The following DCDC2 variants were observed in gnomAD, a reference collection of about 807,000 sequenced individuals.
DCDC2 encodes doublecortin domain-containing protein 2.
A neutral mutation model predicts 50.2 loss-of-function variants in DCDC2; 40 were observed. The ratio of observed to expected loss-of-function variants is 0.80; its 90% confidence interval spans 0.62 to 1.04. The LOEUF (loss-of-function observed/expected upper bound fraction) is 1.04. Ranked by LOEUF, DCDC2 falls within the 50% of genes least tolerant of loss-of-function variation. The probability of loss-of-function intolerance (pLI) is 0.00; values close to 1 mark genes in which losing one functional copy is unlikely to be tolerated. For synonymous variants in DCDC2, 234 were observed against 210.6 expected (o/e 1.11, Z -0.96); for missense variants, 570 against 581.9 (o/e 0.98, Z 0.21).
chr6:24,356,717 G>A (rs916892981), intron 1 of DCDC2, among the ~76,000 whole-genome samples: 3 of 152,154 alleles, frequency 2.0e-5, no homozygotes, highest in Non-Finnish European at 2.9e-5. Context: ...TAGACTGAAA[G>A]CTCCTAAAGA....
In DCDC2 at chr6:24,354,417, T is replaced by TGGG. The variant is rs1760428290; in HGVS notation, c.294-795_294-794insCCC. 1.1e-4 allele frequency among the ~76,000 whole-genome samples: 17 copies of TGGG among 152,312 alleles called. 1 individual carries two copies. Among genetic ancestry groups the TGGG allele is most frequent in the Middle Eastern group, 6.8e-3 (2 of 294 alleles). ...TAGATCAATCCTTTACCCCAACTAC[T>TGGG]ACAATTGCCAACTTGTCCCAAAAAA... On this transcript the variant is annotated intron_variant, in intron 1 of 9. Transcript: ENST00000378454.
intron 2 of DCDC2, among the ~76,000 whole-genome samples, chr6:24,347,478 C>T (rs1005739392): frequency 6.6e-6 from 1 of 152,096 alleles, no homozygotes; most frequent in Non-Finnish European, 1.5e-5. Context: ...GAAAAAAACT[C>T]AACATTTAAA....
chr6:24,315,756 G>A (rs1173612372), intron 2 of DCDC2, among the ~76,000 whole-genome samples: 1 of 152,102 alleles, frequency 6.6e-6, no homozygotes, highest in East Asian at 1.9e-4. Context: ...CTACACCAAA[G>A]AAAGAAGGCT....
At chr6:24,183,577 G>A (rs1361262427) in intron 8 of DCDC2, among the ~76,000 whole-genome samples, 2 of 152,240 alleles carry the variant, frequency 1.3e-5, no homozygotes, top group East Asian at 3.9e-4. Context: ...GTGGACCCTT[G>A]GCCCAGAGAC....
chr6:24,325,997 T>C (rs896258710), intron 2 of DCDC2, among the ~76,000 whole-genome samples: 18 of 149,244 alleles, frequency 1.2e-4, no homozygotes, highest in Non-Finnish European at 2.7e-4. Context: ...CAAACTACTG[T>C]AATTTTTCTT....
chr6:24,200,254 CAGAG>C (rs971065187), intron 8 of DCDC2, among the ~76,000 whole-genome samples: 9 of 152,096 alleles, frequency 5.9e-5, no homozygotes, highest in African/African-American at 2.2e-4. Flanking sequence ...TAAGGGCAGC[CAGAG>C]AGAAAGGTGG....
At chr6:24,246,269 A>T (rs1230210160) in intron 7 of DCDC2, among the ~76,000 whole-genome samples, 4 of 152,168 alleles carry the variant, frequency 2.6e-5, no homozygotes, top group African/African-American at 9.6e-5. Context: ...ATAAATCATG[A>T]AATGATATAC....
intron 7 of DCDC2, among the ~76,000 whole-genome samples, chr6:24,233,877 C>G (rs890444261): frequency 6.6e-6 from 1 of 152,118 alleles, no homozygotes; most frequent in African/African-American, 2.4e-5. Context: ...TGATTATGTG[C>G]ATTTAAGTAA....
rs191646060 is a variant in DCDC2, at chr6:24,177,471, G to T, written c.1326+859C>A. 1.4e-3 allele frequency among the ~76,000 whole-genome samples: 213 copies of T among 152,294 alleles called. 1 individual carries two copies. Among genetic ancestry groups the T allele is most frequent in the African/African-American group, 4.5e-3 (187 of 41,562 alleles). On this transcript the variant is annotated intron_variant, in intron 9 of 9. Coordinates refer to ENST00000378454, the MANE Select transcript of DCDC2 (RefSeq NM_016356.5). Reference sequence around the variant, plus strand: ...TGATCATAGTGGGTATTAGGAATGAGTAGTCCAAGGCCCACTTCAGCAGTT... The same window carrying T: ...TGATCATAGTGGGTATTAGGAATGATTAGTCCAAGGCCCACTTCAGCAGTT...
At chr6:24,191,923 G>T (rs759621072) in intron 8 of DCDC2, among the ~76,000 whole-genome samples, 1 of 152,178 alleles carries the variant, frequency 6.6e-6, no homozygotes, top group Non-Finnish European at 1.5e-5. Flanking sequence ...ACTGCAGAAA[G>T]GGAAGCCAAG....
rs528312638 is a variant in DCDC2 at position 24,171,897 on chromosome 6, T to A, written c.*2833A>T. 1 of 152,372 alleles carries A rather than the reference T, an allele frequency of 6.6e-6. No homozygotes were observed. The highest frequency in any genetic ancestry group is 2.1e-4 in the South Asian group (1 of 4,828). 9.4% of individuals were successfully genotyped at this position (152,372 alleles called of 1,614,324 possible). A position where few individuals can be genotyped will look rare whatever the true frequency, so the allele number is the denominator to read the frequency against. On this transcript the variant is annotated 3_prime_UTR_variant, in exon 10 of 10. Coordinates refer to ENST00000378454, the MANE Select transcript of DCDC2 (RefSeq NM_016356.5). ...CATAAAACTATAAAAACTATGTATA[T>A]AGCATCACAAAGAATTAACATATTA...
intron 7 of DCDC2, among the ~76,000 whole-genome samples, chr6:24,226,580 G>A (rs1032730438): frequency 6.6e-6 from 1 of 152,206 alleles, no homozygotes. Context: ...GATCCTATCT[G>A]TGTTTCAGAA....
At chr6:24,221,927 C>T (rs1368331597) in intron 7 of DCDC2, among the ~76,000 whole-genome samples, 1 of 152,174 alleles carries the variant, frequency 6.6e-6, no homozygotes, top group African/African-American at 2.4e-5. Flanking sequence ...CAAATCTGAA[C>T]ACATGTTTTA....
At chr6:24,270,887 AC>A (rs1763222086) in intron 7 of DCDC2, among the ~76,000 whole-genome samples, 1 of 152,028 alleles carries the variant, frequency 6.6e-6, no homozygotes, top group South Asian at 2.1e-4. Context: ...GAAACTCACC[AC>A]TGGGGCGGAT....
chr6:24,274,214 C>A (rs753916973), intron 7 of DCDC2, among the ~76,000 whole-genome samples: 4 of 152,180 alleles, frequency 2.6e-5, no homozygotes, highest in African/African-American at 7.2e-5. Context: ...ATACTTCTTG[C>A]GTTCACAAGG....
chr6:24,297,139 A>AG (rs1418917176), intron 4 of DCDC2, among the ~76,000 whole-genome samples: 4 of 152,188 alleles, frequency 2.6e-5, no homozygotes, highest in Non-Finnish European at 5.9e-5. Context: ...GCCATAAAAA[A>AG]GGGTCAGATC....
intron 7 of DCDC2, among the ~76,000 whole-genome samples, chr6:24,225,490 A>G (rs142932527): frequency 2.2e-3 from 331 of 152,254 alleles, no homozygotes; most frequent in African/African-American, 7.7e-3. Flanking sequence ...AAAGCTCACA[A>G]AAGAACACTA....
At chr6:24,254,293 T>G (rs1477028931) in intron 7 of DCDC2, among the ~76,000 whole-genome samples, 1 of 152,180 alleles carries the variant, frequency 6.6e-6, no homozygotes, top group African/African-American at 2.4e-5. Context: ...AATAAAAATA[T>G]AGCATAGTAA....
chr6:24,287,119 C>T (rs1763629468), intron 6 of DCDC2, among the ~76,000 whole-genome samples: 1 of 152,214 alleles, frequency 6.6e-6, no homozygotes. Flanking sequence ...CAAGGACAAA[C>T]ACTAGACTCT....
Sources: gnomAD v4.1 joint callset for allele counts (sites outside exome capture counted in the v4.1 genomes callset) on GRCh38, gnomAD v4.1.1 for gene constraint, MANE v1.5 for transcripts, NCBI Gene and HGNC (gene_info 2026-07-23, HGNC 2026-07-21) for gene names.